Variants in ARB2A observed in about 807,000 individuals in gnomAD.
ARB2A encodes ARB2 cotranscriptional regulator A, also known as cotranscriptional regulator ARB2A.
chr5:93,688,306 C>A, the ARB2A span, among the ~76,000 whole-genome samples: 2 of 152,152 alleles, frequency 1.3e-5, no homozygotes, highest in African/African-American at 4.8e-5. Flanking sequence ...AATCTGAAGA[C>A]CTGTCAGCAT....
the ARB2A span, among the ~76,000 whole-genome samples, chr5:93,764,089 G>A: frequency 7.2e-5 from 11 of 152,180 alleles, no homozygotes; most frequent in Admixed American, 1.3e-4. Flanking sequence ...GCCCACAAGA[G>A]AAAGCAGGCA....
the ARB2A span, chr5:93,881,743 T>A: frequency 7.7e-7 from 1 of 1,294,478 alleles, no homozygotes; most frequent in African/African-American, 1.5e-5. Context: ...CCATTTCAAT[T>A]TTCAAAAAAG....
the ARB2A span, among the ~76,000 whole-genome samples, chr5:94,000,398 T>C: frequency 1.3e-5 from 2 of 152,248 alleles, no homozygotes; most frequent in African/African-American, 4.8e-5. Flanking sequence ...TTAATTTGCA[T>C]TTCCCTGATG....
At chr5:93,812,348 T>A in the ARB2A span, among the ~76,000 whole-genome samples, 1 of 152,086 alleles carries the variant, frequency 6.6e-6, no homozygotes, top group East Asian at 1.9e-4. Context: ...AGGCCACTGA[T>A]CTCACATTAT....
chr5:93,663,009 C>A, the ARB2A span, among the ~76,000 whole-genome samples: 1 of 152,090 alleles, frequency 6.6e-6, no homozygotes, highest in African/African-American at 2.4e-5. Flanking sequence ...GGACAAACTC[C>A]CTCCATCAAG....
chr5:94,004,832 A>ATATATATTTAATAT, the ARB2A span, among the ~76,000 whole-genome samples: 4 of 151,548 alleles, frequency 2.6e-5, no homozygotes, highest in African/African-American at 9.7e-5. Context: ...TACCTTATTT[A>ATATATATTTAATAT]ATATATATTA....
chr5:93,630,371 A>C, the ARB2A span, among the ~76,000 whole-genome samples: 2 of 152,202 alleles, frequency 1.3e-5, no homozygotes, highest in Non-Finnish European at 2.9e-5. Context: ...TACCTGCATA[A>C]GATACAAGCA....
chr5:93,953,356 A>G, the ARB2A span, among the ~76,000 whole-genome samples: 1 of 152,182 alleles, frequency 6.6e-6, no homozygotes, highest in Non-Finnish European at 1.5e-5. Flanking sequence ...TGGTCCCTGC[A>G]GCCATATCTG....
chr5:93,919,576 T>C, the ARB2A span, among the ~76,000 whole-genome samples: 1 of 152,170 alleles, frequency 6.6e-6, no homozygotes, highest in Non-Finnish European at 1.5e-5. Flanking sequence ...TGGCAATCAT[T>C]TATAGCCCAA....
At chr5:93,741,152 A>G in the ARB2A span, 1 of 1,613,700 alleles carries the variant, frequency 6.2e-7, no homozygotes, top group Middle Eastern at 1.6e-4. Context: ...CCTAGGCTCA[A>G]CCTCTTCTGC....
At chr5:93,662,542 C>G in the ARB2A span, among the ~76,000 whole-genome samples, 3 of 152,048 alleles carry the variant, frequency 2.0e-5, no homozygotes, top group Admixed American at 6.6e-5. Flanking sequence ...TGCTATATAC[C>G]ATACACATAT....
At chr5:93,831,576 T>A in the ARB2A span, among the ~76,000 whole-genome samples, 1 of 152,000 alleles carries the variant, frequency 6.6e-6, no homozygotes, top group Non-Finnish European at 1.5e-5. Flanking sequence ...TCCACATATG[T>A]GAGATGATAA....
chr5:93,850,713 TA>T, the ARB2A span, among the ~76,000 whole-genome samples: 14 of 152,146 alleles, frequency 9.2e-5, no homozygotes, highest in Non-Finnish European at 1.8e-4. Context: ...AAATCATATC[TA>T]ATGGCTGTTA....
At chr5:93,703,416 C>A in the ARB2A span, among the ~76,000 whole-genome samples, 3 of 152,204 alleles carry the variant, frequency 2.0e-5, no homozygotes, top group Non-Finnish European at 4.4e-5. Flanking sequence ...CTGTTGGGAG[C>A]AAATAAGATG....
the ARB2A span, chr5:94,055,747 C>A: frequency 3.0e-6 from 3 of 985,408 alleles, no homozygotes; most frequent in Non-Finnish European, 2.4e-6. Context: ...CATTTTCCTT[C>A]TTCCAATGAA....
chr5:94,024,401 C>T, the ARB2A span, among the ~76,000 whole-genome samples: 1 of 152,096 alleles, frequency 6.6e-6, no homozygotes, highest in East Asian at 1.9e-4. Flanking sequence ...GATTCGCTGG[C>T]CTCCATAATC....
the ARB2A span, among the ~76,000 whole-genome samples, chr5:93,908,537 T>C: frequency 6.6e-6 from 1 of 150,736 alleles, no homozygotes; most frequent in Non-Finnish European, 1.5e-5. Flanking sequence ...AATACAAAAG[T>C]ATTTTTTGCT....
chr5:93,696,670 T>C, the ARB2A span, among the ~76,000 whole-genome samples: 3 of 152,150 alleles, frequency 2.0e-5, no homozygotes, highest in Non-Finnish European at 2.9e-5. Context: ...GAGAATGCAG[T>C]AGTAAGAGAT....
At chr5:93,690,354 C>A in the ARB2A span, among the ~76,000 whole-genome samples, 1 of 152,150 alleles carries the variant, frequency 6.6e-6, no homozygotes, top group Non-Finnish European at 1.5e-5. Context: ...CTGGGATGCT[C>A]CAGCTTGGTG....
Sources: gnomAD v4.1 joint callset for allele counts (sites outside exome capture counted in the v4.1 genomes callset) on GRCh38, gnomAD v4.1.1 for gene constraint, MANE v1.5 for transcripts, NCBI Gene and HGNC (gene_info 2026-07-23, HGNC 2026-07-21) for gene names.